CNGA1: variants seen among roughly 807,000 people sequenced by gnomAD.
CNGA1 encodes the protein cyclic nucleotide-gated channel alpha-1.
In CNGA1, 53 loss-of-function variants were observed where a neutral mutation model predicts 69.7. That is an observed-to-expected ratio of 0.76 (90% CI 0.61 to 0.96). CNGA1 has a LOEUF of 0.96. Among genes scored for constraint, CNGA1 ranks in the 40% least tolerant of loss-of-function variants. The pLI is 0.00. For synonymous variants in CNGA1, 249 were observed against 283.5 expected (o/e 0.88, Z 1.22); for missense variants, 739 against 811.2 (o/e 0.91, Z 1.08).
intron 3 of CNGA1, among the ~76,000 whole-genome samples, chr4:47,957,610 A>T (rs1578084357): frequency 6.6e-6 from 1 of 152,098 alleles, no homozygotes; most frequent in Non-Finnish European, 1.5e-5. Flanking sequence ...ACAGAGAGTG[A>T]CCTCATCTCT....
At chr4:48,016,422 CAG>C in intron 1 of CNGA1, 59 bp downstream of exon 1, 1 of 203,264 alleles carries the variant, frequency 4.9e-6, no homozygotes, top group Non-Finnish European at 9.8e-6. Context: ...CCTTTTCGAC[CAG>C]AGAGGAGCCA....
At chr4:47,967,466 AAG>A (rs1740786552) in intron 3 of CNGA1, among the ~76,000 whole-genome samples, 1 of 152,258 alleles carries the variant, frequency 6.6e-6, no homozygotes, top group African/African-American at 2.4e-5. Context: ...AGGCAGGAAA[AAG>A]AATACAAAGC....
At position 48,013,670 on chromosome 4, in the gene CNGA1, C is replaced by T. The variant is rs1339334549; in HGVS notation, c.-222-2777G>A. Among the ~76,000 whole-genome samples, 3 of 152,188 alleles carry T rather than the reference C, an allele frequency of 2.0e-5. No individual in the cohort carries two copies. In the East Asian group the frequency reaches 5.8e-4, roughly 29 times the overall value. The stretch of plus-strand genomic sequence containing the variant: ...CAGGTTGGCCCTAAGCAGTTCCAAG[C>T]TTCACTTTTCCCTTTAGCTTAGTGA... On this transcript the variant is annotated intron_variant, in intron 1 of 10. Coordinates refer to ENST00000514170, the MANE Select transcript of CNGA1 (RefSeq NM_001379270.1).
chr4:48,009,296 C>G (rs1197784478), intron 2 of CNGA1, among the ~76,000 whole-genome samples: 3 of 151,800 alleles, frequency 2.0e-5, no homozygotes, highest in Non-Finnish European at 4.4e-5. Flanking sequence ...GAAACCCCAT[C>G]TCTACCAGAA....
intron 2 of CNGA1, among the ~76,000 whole-genome samples, chr4:47,988,612 T>TG (rs1281533131): frequency 6.6e-6 from 1 of 152,108 alleles, no homozygotes; most frequent in Non-Finnish European, 1.5e-5. Context: ...TGGCAAAGTC[T>TG]GGGGGTCCAG....
chr4:47,986,658 G>T (rs1277841323), intron 2 of CNGA1, among the ~76,000 whole-genome samples: 1 of 151,982 alleles, frequency 6.6e-6, no homozygotes, highest in Non-Finnish European at 1.5e-5. Context: ...AGTATCTACG[G>T]TGTGCTGGGC....
chr4:47,948,523 C>T (rs188861364), intron 6 of CNGA1, among the ~76,000 whole-genome samples: 3 of 152,062 alleles, frequency 2.0e-5, no homozygotes, highest in African/African-American at 7.2e-5. Context: ...GTCCTGGCTT[C>T]CAGAGGGGTG....
rs527236058 is a variant in CNGA1 at position 47,951,397 on chromosome 4, AC to A, written c.179del (p.Gly60ValfsTer29). On this transcript the variant is annotated frameshift_variant, in exon 5 of 11. Coordinates refer to ENST00000514170, the MANE Select transcript of CNGA1 (RefSeq NM_001379270.1). LOFTEE classifies it high-confidence loss of function. ...ESENENPHAR[G>X]SFSYKSLRKG... is the part of the protein sequence containing the mutation. ...TTCTGAGTGACTTATAACTAAAGGA[AC>A]CCCTTGCATGAGGGTTTTCATTCTC... is the stretch of plus-strand genomic sequence containing the variant. The A allele has an allele frequency of 1.1e-5, 18 of 1,613,610 alleles. No individual in the cohort carries two copies. The East Asian group carries it at 4.0e-4, about 36-fold the overall frequency.
At chr4:48,002,530 G>T (rs1714704150) in intron 2 of CNGA1, among the ~76,000 whole-genome samples, 1 of 151,830 alleles carries the variant, frequency 6.6e-6, no homozygotes, top group African/African-American at 2.4e-5. Context: ...GGGGAAGGGA[G>T]GGGGTGGCCA....
chr4:47,953,235 C>T (rs1739851992), intron 3 of CNGA1, among the ~76,000 whole-genome samples: 1 of 152,160 alleles, frequency 6.6e-6, no homozygotes, highest in Admixed American at 6.5e-5. Flanking sequence ...TGGCCTGTTC[C>T]CCTAATTTCC....
intron 6 of CNGA1, among the ~76,000 whole-genome samples, chr4:47,947,163 C>G (rs1739445361): frequency 6.6e-6 from 1 of 152,104 alleles, no homozygotes; most frequent in African/African-American, 2.4e-5. Flanking sequence ...CCACTCAGCA[C>G]CTATTTATCA....
intron 1 of CNGA1, 26 bp downstream of exon 1, chr4:48,016,456 TC>T (rs1715385639): frequency 3.5e-6 from 1 of 282,908 alleles, no homozygotes; most frequent in Non-Finnish European, 6.6e-6. Context: ...CAGTGCAGCC[TC>T]CACTCCACTC....
intron 3 of CNGA1, among the ~76,000 whole-genome samples, chr4:47,954,229 C>A (rs1739924760): frequency 6.6e-6 from 1 of 151,356 alleles, no homozygotes; most frequent in South Asian, 2.1e-4. Flanking sequence ...TCCACCTTCC[C>A]GGAATTCCAG....
chr4:47,963,620 A>G (rs547729380), intron 3 of CNGA1, among the ~76,000 whole-genome samples: 1 of 152,210 alleles, frequency 6.6e-6, no homozygotes, highest in South Asian at 2.1e-4. Context: ...TAAGAGCCCA[A>G]TAAATGACAA....
chr4:47,996,122 C>T (rs934298086), intron 2 of CNGA1, among the ~76,000 whole-genome samples: 2 of 152,156 alleles, frequency 1.3e-5, no homozygotes, highest in African/African-American at 4.8e-5. Context: ...TTTATTCCTA[C>T]AGTCATTCTG....
intron 1 of CNGA1, among the ~76,000 whole-genome samples, chr4:48,014,657 C>A (rs995895049): frequency 2.0e-5 from 3 of 152,162 alleles, no homozygotes; most frequent in African/African-American, 7.2e-5. Flanking sequence ...ATTTCCTCAG[C>A]TGTAAAGTGG....
intron 2 of CNGA1, among the ~76,000 whole-genome samples, chr4:47,990,581 C>G (rs1285745696): frequency 1.3e-5 from 2 of 152,034 alleles, no homozygotes; most frequent in Non-Finnish European, 2.9e-5. Flanking sequence ...CTTTATTGCC[C>G]GTTGAAGCAT....
chr4:47,999,130 A>T (rs757668652), intron 2 of CNGA1, among the ~76,000 whole-genome samples: 12 of 152,216 alleles, frequency 7.9e-5, no homozygotes, highest in Non-Finnish European at 1.6e-4. Flanking sequence ...AGAGAGAGAG[A>T]CCACATTCAC....
intron 3 of CNGA1, among the ~76,000 whole-genome samples, chr4:47,972,866 T>A (rs1741117117): frequency 6.6e-6 from 1 of 152,218 alleles, no homozygotes; most frequent in Non-Finnish European, 1.5e-5. Flanking sequence ...TCCTGCCATC[T>A]ACTAAAGTCA....
Sources: gnomAD v4.1 joint callset for allele counts (sites outside exome capture counted in the v4.1 genomes callset) on GRCh38, gnomAD v4.1.1 for gene constraint, MANE v1.5 for transcripts, NCBI Gene and HGNC (gene_info 2026-07-23, HGNC 2026-07-21) for gene names.